Variants in ERC2 observed in about 807,000 individuals in gnomAD.
The protein encoded by ERC2 is ELKS/RAB6-interacting/CAST family member 2.
ERC2 carries 42 observed loss-of-function variants against 114.8 expected under a neutral mutation model. The ratio of observed to expected loss-of-function variants is 0.37; its 90% CI spans 0.29 to 0.47. The LOEUF is 0.47. ERC2 is among the 20% of genes least tolerant of loss of function. ERC2 has a pLI of 0.99. For synonymous variants in ERC2, 454 were observed against 425.5 expected, an observed-to-expected ratio of 1.07 and a Z score of -0.82; for missense variants, 939 against 1,150.7, an observed-to-expected ratio of 0.82 and a Z score of 2.66.
intron 2 of ERC2, among the ~76,000 whole-genome samples, chr3:56,408,758 C>T (rs2060823052): frequency 6.6e-6 from 1 of 152,178 alleles, no homozygotes; most frequent in Admixed American, 6.5e-5. Context: ...CTTCAGACAG[C>T]GTCAGGAGAG....
At chr3:55,559,075 C>T (rs1164111244) in intron 17 of ERC2, among the ~76,000 whole-genome samples, 1 of 152,214 alleles carries the variant, frequency 6.6e-6, no homozygotes, top group African/African-American at 2.4e-5. Flanking sequence ...CATGTGGCTC[C>T]AACTGGGTAT....
At chr3:56,010,637 T>A (rs1383299102) in intron 8 of ERC2, 48 bp from the exon 9 acceptor site, 1 of 1,583,048 alleles carries the variant, frequency 6.3e-7, no homozygotes, top group Non-Finnish European at 8.6e-7. Context: ...CATCAGTGTA[T>A]ATGCCAAAGC....
intron 14 of ERC2, among the ~76,000 whole-genome samples, chr3:55,738,869 A>T (rs1199463814): frequency 6.6e-6 from 1 of 152,084 alleles, no homozygotes; most frequent in Non-Finnish European, 1.5e-5. Context: ...CCATTAACCC[A>T]TCATCTACAT....
chr3:55,904,113 A>C (rs896616635), intron 13 of ERC2, among the ~76,000 whole-genome samples: 3 of 152,230 alleles, frequency 2.0e-5, no homozygotes, highest in Non-Finnish European at 4.4e-5. Context: ...TGATGGAGAA[A>C]TGTTCTCATG....
chr3:55,949,354 G>A (rs1426912178), intron 13 of ERC2, among the ~76,000 whole-genome samples: 3 of 151,870 alleles, frequency 2.0e-5, no homozygotes, highest in African/African-American at 7.2e-5. Context: ...TGGGCGACAG[G>A]GGGAGACTCC....
intron 3 of ERC2, among the ~76,000 whole-genome samples, chr3:56,184,817 G>A (rs2150052885): frequency 6.6e-6 from 1 of 152,274 alleles, no homozygotes; most frequent in South Asian, 2.1e-4. Flanking sequence ...GACATGCTAT[G>A]AGAGAGAATG....
chr3:56,296,262 C>G lies in ERC2; in HGVS notation c.831G>C (p.Leu277=). 1 of 1,614,018 alleles carries G rather than the reference C, an allele frequency of 6.2e-7. No homozygotes were observed. Among genetic ancestry groups the G allele is most frequent in the Non-Finnish European group, 8.5e-7 (1 of 1,179,888 alleles). The part of the protein sequence containing the change: ...QAEHDRQAKE[L]FLLRKTLEEM... The stretch of plus-strand genomic sequence containing the variant: ...CCTCTAATGTCTTCCTCAAAAGGAA[C>G]AGCTCCTTAGCCTGCCTGTCATGCT... The change falls in exon 3 of 18, where the codon CTG becomes CTC. Residue 277 remains leucine (L), a synonymous_variant. Coordinates refer to ENST00000288221, the MANE Select transcript of ERC2 (RefSeq NM_015576.3).
chr3:56,059,280 G>A (rs983936829), intron 7 of ERC2, among the ~76,000 whole-genome samples: 4 of 151,790 alleles, frequency 2.6e-5, no homozygotes, highest in Non-Finnish European at 5.9e-5. Flanking sequence ...TAGTAGAGAC[G>A]GGGGTTTCAC....
chr3:56,032,957 A>AAGAG (rs1470573794), intron 7 of ERC2, among the ~76,000 whole-genome samples: 5 of 48,390 alleles, frequency 1.0e-4, no homozygotes, highest in Admixed American at 2.6e-4. Context: ...GAAAGAAAGA[A>AAGAG]ACAGAAAGAA....
intron 7 of ERC2, among the ~76,000 whole-genome samples, chr3:56,027,547 A>G (rs997946365): frequency 2.0e-5 from 3 of 152,072 alleles, no homozygotes; most frequent in African/African-American, 7.2e-5. Context: ...ATGTAGTTTT[A>G]TTTTGCATTT....
At chr3:55,583,443 C>CT (rs1559692630) in intron 17 of ERC2, among the ~76,000 whole-genome samples, 116 of 115,020 alleles carry the variant, frequency 1.0e-3, no homozygotes, top group Non-Finnish European at 1.6e-3. Flanking sequence ...TCCTTCCTTC[C>CT]TCCCTCCCTC....
intron 13 of ERC2, among the ~76,000 whole-genome samples, chr3:55,906,291 G>A (rs2064435223): frequency 6.6e-6 from 1 of 151,870 alleles, no homozygotes; most frequent in African/African-American, 2.4e-5. Flanking sequence ...AATTAGCCGG[G>A]CATGGTGGCA....
chr3:56,028,982 C>T (rs928249941), intron 7 of ERC2, among the ~76,000 whole-genome samples: 1 of 152,044 alleles, frequency 6.6e-6, no homozygotes. Flanking sequence ...CTCTCCTCTG[C>T]TCCTAACTTA....
At chr3:56,394,340 A>C (rs780694135) in intron 2 of ERC2, among the ~76,000 whole-genome samples, 5 of 152,214 alleles carry the variant, frequency 3.3e-5, no homozygotes, top group Non-Finnish European at 5.9e-5. Context: ...ACTTTTAGTG[A>C]AACTGTTTTA....
At chr3:55,602,159 G>A (rs886340505) in intron 17 of ERC2, among the ~76,000 whole-genome samples, 1 of 152,190 alleles carries the variant, frequency 6.6e-6, no homozygotes, top group African/African-American at 2.4e-5. Context: ...CCAGATCTGT[G>A]CAAAGTCAGT....
chr3:55,620,252 T>C (rs1334122197), intron 17 of ERC2, among the ~76,000 whole-genome samples: 1 of 152,220 alleles, frequency 6.6e-6, no homozygotes, highest in African/African-American at 2.4e-5. Flanking sequence ...GCTTTAGATG[T>C]AGTAGTACTC....
intron 3 of ERC2, among the ~76,000 whole-genome samples, chr3:56,255,596 C>T (rs971898223): frequency 1.3e-5 from 2 of 152,168 alleles, no homozygotes; most frequent in South Asian, 2.1e-4. Flanking sequence ...TAGATACTTT[C>T]GAGAAATTTC....
chr3:56,331,401 T>C (rs2057608359), intron 2 of ERC2, among the ~76,000 whole-genome samples: 1 of 152,174 alleles, frequency 6.6e-6, no homozygotes, highest in African/African-American at 2.4e-5. Flanking sequence ...CTTTGCTGTA[T>C]TCAGAGTTGA....
chr3:55,530,950 T>G (rs2053627385), intron 17 of ERC2, among the ~76,000 whole-genome samples: 1 of 152,050 alleles, frequency 6.6e-6, no homozygotes, highest in African/African-American at 2.4e-5. Flanking sequence ...GATCGGGAGG[T>G]CATCGCACAG....
Sources: allele counts gnomAD v4.1 joint callset (sites outside exome capture counted in the v4.1 genomes callset), GRCh38; gene constraint gnomAD v4.1.1; transcripts MANE v1.5; gene names NCBI Gene and HGNC (gene_info 2026-07-23, HGNC 2026-07-21).